Variants in LHFPL6 observed in about 807,000 individuals in gnomAD.
LHFPL6 encodes LHFPL tetraspan subfamily member 6 protein.
A neutral mutation model predicts 20.6 loss-of-function variants in LHFPL6; 9 were observed. The ratio of observed to expected loss-of-function variants is 0.44; its 90% CI spans 0.26 to 0.76. The LOEUF is 0.76. Among genes scored for constraint, LHFPL6 ranks in the 30% least tolerant of loss-of-function variants. The pLI, the probability that LHFPL6 is intolerant of heterozygous loss-of-function variation, is 0.20. For synonymous variants in LHFPL6, 105 were observed against 98.7 expected, an observed-to-expected ratio of 1.06 and a Z score of -0.38; for missense variants, 218 against 253.5, an observed-to-expected ratio of 0.86 and a Z score of 0.95.
At chr13:39,543,832 T>C (rs1242626650) in intron 2 of LHFPL6, among the ~76,000 whole-genome samples, 2 of 152,172 alleles carry the variant, frequency 1.3e-5, no homozygotes, top group Non-Finnish European at 2.9e-5. Context: ...GTTATAAAAT[T>C]GCATAATGCC....
chr13:39,589,149 C>G (rs1414868638), intron 2 of LHFPL6, among the ~76,000 whole-genome samples: 1 of 152,048 alleles, frequency 6.6e-6, no homozygotes, highest in East Asian at 1.9e-4. Flanking sequence ...GAGTCTTGCC[C>G]AGGGTGGAGT....
At chr13:39,354,398 C>T (rs1049070982) in intron 3 of LHFPL6, among the ~76,000 whole-genome samples, 1 of 152,116 alleles carries the variant, frequency 6.6e-6, no homozygotes, top group African/African-American at 2.4e-5. Context: ...ACCCAAGCAA[C>T]AACAATTTCA....
intron 3 of LHFPL6, among the ~76,000 whole-genome samples, chr13:39,357,309 TAAA>T (rs1252429731): frequency 2.0e-5 from 3 of 152,128 alleles, no homozygotes; most frequent in Non-Finnish European, 2.9e-5. Flanking sequence ...TAATGCATGA[TAAA>T]ACCCTCAACA....
rs1049044358 is a variant in LHFPL6, at chr13:39,487,779, T to C, written c.386-109253A>G. Among the ~76,000 whole-genome samples the C allele has an allele frequency of 2.0e-5, 3 of 151,994 alleles. 1 individual carries two copies. Among genetic ancestry groups the C allele is most frequent in the Admixed American group, 1.3e-4 (2 of 15,262 alleles). Reference sequence around the variant, plus strand: ...ATCCCAGCACTTTGGGAGGCTGAGGTTCACACCTGTAATCCCAGCACTTTG... The same window carrying C: ...ATCCCAGCACTTTGGGAGGCTGAGGCTCACACCTGTAATCCCAGCACTTTG... On this transcript the variant is annotated intron_variant, in intron 2 of 3. Coordinates refer to ENST00000379589, the MANE Select transcript of LHFPL6 (RefSeq NM_005780.3).
intron 2 of LHFPL6, among the ~76,000 whole-genome samples, chr13:39,476,467 A>G (rs1015014541): frequency 6.6e-6 from 1 of 152,252 alleles, no homozygotes; most frequent in Non-Finnish European, 1.5e-5. Flanking sequence ...ATAACATAAC[A>G]TGTGCCAAAG....
chr13:39,402,698 A>G (rs1871023283), intron 2 of LHFPL6, among the ~76,000 whole-genome samples: 2 of 152,232 alleles, frequency 1.3e-5, no homozygotes, highest in African/African-American at 4.8e-5. Flanking sequence ...AACCCTAAAA[A>G]TGATCTGCTA....
chr13:39,485,937 C>T (rs1025851291), intron 2 of LHFPL6, among the ~76,000 whole-genome samples: 3 of 152,108 alleles, frequency 2.0e-5, no homozygotes, highest in African/African-American at 4.8e-5. Context: ...ACCTTGCAAA[C>T]AAGGTTTCCA....
intron 2 of LHFPL6, among the ~76,000 whole-genome samples, chr13:39,379,150 C>A (rs906233012): frequency 1.6e-4 from 24 of 152,236 alleles, no homozygotes; most frequent in African/African-American, 4.8e-4. Context: ...CTGCTAAAAC[C>A]AAAAGTTTTG....
intron 2 of LHFPL6, among the ~76,000 whole-genome samples, chr13:39,562,391 T>TATATATATAC (rs1871518451): frequency 2.3e-5 from 1 of 42,984 alleles, no homozygotes; most frequent in African/African-American, 7.1e-5. Context: ...TACATATACA[T>TATATATATAC]ATATATACAT....
At chr13:39,534,637 T>C (rs1322068480) in intron 2 of LHFPL6, among the ~76,000 whole-genome samples, 4 of 152,202 alleles carry the variant, frequency 2.6e-5, no homozygotes, top group African/African-American at 7.2e-5. Flanking sequence ...TGCTTATAAA[T>C]GCATTGCACA....
chr13:39,360,446 G>A (rs1009751156), intron 3 of LHFPL6, among the ~76,000 whole-genome samples: 1 of 97,996 alleles, frequency 1.0e-5, no homozygotes, highest in African/African-American at 3.0e-5. Flanking sequence ...GGCATTAAGC[G>A]CTCTCCATAA....
intron 2 of LHFPL6, among the ~76,000 whole-genome samples, chr13:39,415,975 CTAG>C (rs1871337217): frequency 2.9e-5 from 3 of 104,352 alleles, no homozygotes; most frequent in Non-Finnish European, 6.8e-5. Context: ...GACATCACCC[CTAG>C]ATTCTCTGTC....
intron 2 of LHFPL6, among the ~76,000 whole-genome samples, chr13:39,396,313 C>G (rs1870840864): frequency 6.6e-6 from 1 of 152,146 alleles, no homozygotes; most frequent in Non-Finnish European, 1.5e-5. Context: ...TGAAAACTAT[C>G]CTAACCTGGT....
intron 3 of LHFPL6, among the ~76,000 whole-genome samples, chr13:39,371,882 C>A (rs1330661638): frequency 2.0e-5 from 3 of 152,198 alleles, no homozygotes; most frequent in African/African-American, 4.8e-5. Context: ...GACTCTGATT[C>A]CATTTCTGGG....
At chr13:39,522,027 C>T (rs1870123716) in intron 2 of LHFPL6, among the ~76,000 whole-genome samples, 1 of 152,168 alleles carries the variant, frequency 6.6e-6, no homozygotes, top group Non-Finnish European at 1.5e-5. Context: ...CCCCAAACCC[C>T]TAGTACACAC....
At position 39,541,432 on chromosome 13, in the gene LHFPL6, G is replaced by A. The variant is rs561890997; in HGVS notation, c.385+59400C>T. ...CCTAGCTGTGCGACATTATGTCATT[G>A]ATGATGCAGCCAGGCACCCTCCATA... On this transcript the variant is annotated intron_variant, in intron 2 of 3. Coordinates refer to ENST00000379589, the MANE Select transcript of LHFPL6 (RefSeq NM_005780.3). Among the ~76,000 whole-genome samples, 5 of 152,298 alleles carry A rather than the reference G, an allele frequency of 3.3e-5. No homozygotes were observed. The South Asian group carries it at 1.0e-3, about 32-fold the overall frequency.
At chr13:39,582,799 A>G (rs1204470972) in intron 2 of LHFPL6, among the ~76,000 whole-genome samples, 2 of 152,280 alleles carry the variant, frequency 1.3e-5, no homozygotes, top group East Asian at 3.9e-4. Flanking sequence ...AATTCCACAC[A>G]CCAGATTTTG....
intron 2 of LHFPL6, among the ~76,000 whole-genome samples, chr13:39,387,373 T>G (rs1022778046): frequency 6.6e-6 from 1 of 151,352 alleles, no homozygotes; most frequent in African/African-American, 2.4e-5. Context: ...AAGGTGAAAC[T>G]CCATCTCTAC....
chr13:39,564,591 AG>A (rs1277152602), intron 2 of LHFPL6, among the ~76,000 whole-genome samples: 1 of 152,178 alleles, frequency 6.6e-6, no homozygotes, highest in African/African-American at 2.4e-5. Context: ...ATGGTGCCAA[AG>A]AGACTCCCAT....
Sources: gnomAD v4.1 joint callset for allele counts (sites outside exome capture counted in the v4.1 genomes callset) on GRCh38, gnomAD v4.1.1 for gene constraint, MANE v1.5 for transcripts, NCBI Gene and HGNC (gene_info 2026-07-23, HGNC 2026-07-21) for gene names.